The following ACMSD variants were observed in gnomAD, a reference collection of about 807,000 sequenced individuals.
ACMSD encodes the protein 2-amino-3-carboxymuconate-6-semialdehyde decarboxylase.
A neutral mutation model predicts 45.9 loss-of-function variants in ACMSD; 37 were observed. That is an observed-to-expected ratio of 0.81 (90% CI 0.62 to 1.06). The LOEUF (loss-of-function observed/expected upper bound fraction) is 1.06. ACMSD is among the 50% of genes least tolerant of loss of function. ACMSD has a pLI of 0.00. For missense variants in ACMSD, 434 were observed against 420.9 expected (o/e 1.03, Z -0.27); for synonymous variants, 138 against 148.8 (o/e 0.93, Z 0.53).
At chr2:134,851,039 A>C (rs1413504946) in intron 2 of ACMSD, among the ~76,000 whole-genome samples, 2 of 152,154 alleles carry the variant, frequency 1.3e-5, no homozygotes, top group African/African-American at 4.8e-5. Context: ...CTAAGTGAGA[A>C]CATGCAGTGT....
intron 8 of ACMSD, 31 bp downstream of exon 8, chr2:134,872,672 T>C (rs1440037857): frequency 1.9e-6 from 3 of 1,612,912 alleles, no homozygotes; most frequent in Non-Finnish European, 2.5e-6. Flanking sequence ...GGATGGCTTA[T>C]GGGGAGCAGA....
chr2:134,872,506 T>A lies in ACMSD; in HGVS notation c.714T>A (p.His238Gln). The part of the protein sequence containing the change: ...AFPFTVGRIS[H>Q]GFSMRPDLCA... The stretch of plus-strand genomic sequence containing the variant: ...CCTTCACAGTGGGAAGAATCTCCCA[T>A]GGATTCAGCATGCGCCCAGATCTGT... The change falls in exon 8 of 10, where the codon CAT becomes CAA. Residue 238 changes from histidine (H) to glutamine (Q), a missense_variant. His to Gln is a conservative substitution (Grantham distance 24). Transcript: ENST00000356140. 2 of 1,614,158 alleles carry A rather than the reference T, an allele frequency of 1.2e-6. No homozygotes were observed. The highest frequency in any genetic ancestry group is 2.2e-5 in the East Asian group (1 of 44,852).
At chr2:134,870,192 T>C in intron 6 of ACMSD, among the ~76,000 whole-genome samples, 1 of 152,212 alleles carries the variant, frequency 6.6e-6, no homozygotes, top group Admixed American at 6.5e-5. Context: ...TCAATGGCAA[T>C]GTAGCTTGGA....
intron 8 of ACMSD, among the ~76,000 whole-genome samples, chr2:134,886,507 CA>C (rs1166485135): frequency 1.3e-5 from 2 of 151,858 alleles, no homozygotes; most frequent in African/African-American, 4.8e-5. Flanking sequence ...CTCAGCCTCC[CA>C]AAAGTGCTGG....
chr2:134,877,668 G>A (rs1163957823), intron 8 of ACMSD: 1 of 146,824 alleles, frequency 6.8e-6, no homozygotes, highest in Non-Finnish European at 1.5e-5. Context: ...GGGAGAGATG[G>A]TAATCAAGAC....
rs974375278 is a variant in ACMSD, at chr2:134,868,440, G to C, written c.580+768G>C. ...CTTGGTCCCCAAATGAAAAGTGCTG[G>C]ATATTTTTTTCTTTTTTTTTTTTTT... On this transcript the variant is annotated intron_variant, in intron 6 of 9. Coordinates refer to ENST00000356140, the MANE Select transcript of ACMSD (RefSeq NM_138326.3). Among the ~76,000 whole-genome samples, 4 of 145,368 alleles carry C rather than the reference G, an allele frequency of 2.8e-5. No individual in the cohort carries two copies. In the Admixed American group the frequency reaches 2.9e-4, roughly 11 times the overall value.
At chr2:134,894,563 C>A (rs1311751521) in intron 8 of ACMSD, among the ~76,000 whole-genome samples, 2 of 151,998 alleles carry the variant, frequency 1.3e-5, no homozygotes, top group Non-Finnish European at 2.9e-5. Flanking sequence ...AAATTCTTCA[C>A]CAATGCTTCA....
chr2:134,850,085 C>T (rs1249340502), intron 2 of ACMSD, among the ~76,000 whole-genome samples: 2 of 151,186 alleles, frequency 1.3e-5, no homozygotes, highest in Non-Finnish European at 2.9e-5. Flanking sequence ...TTGTATCCCC[C>T]GCCCCCCAAA....
Position 134,846,364 on chromosome 2 carries a change from C to A in ACMSD, c.102+1087C>A, listed in dbSNP as rs548924615. On this transcript the variant is annotated intron_variant, in intron 2 of 9. Coordinates refer to ENST00000356140, the MANE Select transcript of ACMSD (RefSeq NM_138326.3). Reference sequence around the variant, plus strand: ...AGGTAGGGCAAGCAACCTGTTTTAACAAGCCTCCTGGTGATTCTGATGCAC... The same window carrying A: ...AGGTAGGGCAAGCAACCTGTTTTAAAAAGCCTCCTGGTGATTCTGATGCAC... Among the ~76,000 whole-genome samples, 7 of 152,284 alleles carry A rather than the reference C, an allele frequency of 4.6e-5. No individual in the cohort carries two copies. In the South Asian group the frequency reaches 1.4e-3, roughly 32 times the overall value.
At chr2:134,885,398 AT>A (rs11334218) in intron 8 of ACMSD, among the ~76,000 whole-genome samples, 25,413 of 115,910 alleles carry the variant, frequency 0.22, 3,133 homozygotes, top group East Asian at 0.38. Flanking sequence ...AAATATATAT[AT>A]TTATATATAA....
rs140125373 is a variant in ACMSD at position 134,881,567 on chromosome 2, C to A, written c.849+8926C>A. On this transcript the variant is annotated intron_variant, in intron 8 of 9. Transcript: ENST00000356140. ...CTTTCATATTCAGGACTACTCTATT[C>A]AAGGGGTTCTGAAGGGCAAGGGTGA... Among the ~76,000 whole-genome samples the A allele has an allele frequency of 2.0e-3, 308 of 152,256 alleles. 2 individuals are homozygous for A. The highest frequency in any genetic ancestry group is 7.1e-3 in the African/African-American group (293 of 41,530).
intron 1 of ACMSD, among the ~76,000 whole-genome samples, chr2:134,838,971 A>G (rs961677797): frequency 6.6e-6 from 1 of 152,180 alleles, no homozygotes; most frequent in East Asian, 1.9e-4. Context: ...TTTTTCCCTC[A>G]AATGAACCAT....
At chr2:134,863,693 G>A in intron 5 of ACMSD, 62 bp downstream of exon 5, 2 of 1,558,406 alleles carry the variant, frequency 1.3e-6, no homozygotes, top group Non-Finnish European at 1.8e-6. Flanking sequence ...GGGCACCGCT[G>A]GGTGCTGGCA....
chr2:134,868,293 G>GA (rs1320896428), intron 6 of ACMSD, among the ~76,000 whole-genome samples: 2 of 152,124 alleles, frequency 1.3e-5, no homozygotes, highest in African/African-American at 4.8e-5. Flanking sequence ...GGGTAGAGGA[G>GA]AAAGCTCCAT....
chr2:134,872,861 T>A, intron 8 of ACMSD: 1 of 517,314 alleles, frequency 1.9e-6, no homozygotes, highest in East Asian at 3.2e-5. Flanking sequence ...CTATTATATA[T>A]GCCAGAGAAA....
intron 1 of ACMSD, 83 bp downstream of exon 1, chr2:134,838,822 G>A: frequency 9.0e-7 from 1 of 1,115,976 alleles, no homozygotes; most frequent in Non-Finnish European, 1.3e-6. Context: ...GGAATTAGAT[G>A]TCTAGTTTAT....
At chr2:134,875,572 C>A (rs1395771052) in intron 8 of ACMSD, among the ~76,000 whole-genome samples, 1 of 152,080 alleles carries the variant, frequency 6.6e-6, no homozygotes, top group Non-Finnish European at 1.5e-5. Context: ...CTTTTAAATT[C>A]TTTGCTTTGA....
intron 8 of ACMSD, among the ~76,000 whole-genome samples, chr2:134,898,124 A>G (rs943536599): frequency 7.9e-5 from 12 of 151,864 alleles, no homozygotes; most frequent in South Asian, 2.1e-4. Flanking sequence ...TTTGCAACAA[A>G]GAGACCTAAT....
chr2:134,889,540 TA>T (rs1308088561), intron 8 of ACMSD, among the ~76,000 whole-genome samples: 1 of 152,016 alleles, frequency 6.6e-6, no homozygotes, highest in Non-Finnish European at 1.5e-5. Flanking sequence ...GTTTTAAAGA[TA>T]AAATAAAATA....
Sources: gnomAD v4.1 joint callset for allele counts (sites outside exome capture counted in the v4.1 genomes callset) on GRCh38, gnomAD v4.1.1 for gene constraint, MANE v1.5 for transcripts, NCBI Gene and HGNC (gene_info 2026-07-23, HGNC 2026-07-21) for gene names.